Variants in GRIA3 observed in about 807,000 individuals in gnomAD.
GRIA3 encodes glutamate ionotropic receptor AMPA type subunit 3, also known as glutamate receptor 3.
GRIA3 carries 3 observed loss-of-function variants against 63.0 expected under a neutral mutation model. That is an observed-to-expected ratio of 0.05 (90% CI 0.02 to 0.12). The LOEUF is 0.12. Among genes scored for constraint, GRIA3 ranks in the 10% least tolerant of loss-of-function variants. The pLI is 1.00. For missense variants in GRIA3, 347 were observed against 700.9 expected (o/e 0.50, Z 5.70); for synonymous variants, 274 against 257.9 (o/e 1.06, Z -0.60).
At chrX:123,239,072 C>G (rs781717854) in intron 2 of GRIA3, among the ~76,000 whole-genome samples, 4 of 110,996 alleles carry the variant, frequency 3.6e-5, no homozygotes, top group Non-Finnish European at 3.8e-5. Flanking sequence ...ACATACACAT[C>G]TGATCAAAAC....
At chrX:123,431,027 T>TACACACACACACACACACAC (rs3050442) in intron 12 of GRIA3, among the ~76,000 whole-genome samples, 26 of 99,488 alleles carry the variant, frequency 2.6e-4, no homozygotes, top group African/African-American at 9.3e-4. Flanking sequence ...GTAACTCACA[T>TACACACACACACACACACAC]ACACACACAC....
At chrX:123,194,692 AT>A (rs1420257884) in intron 2 of GRIA3, among the ~76,000 whole-genome samples, 1 of 112,093 alleles carries the variant, frequency 8.9e-6, no homozygotes, top group African/African-American at 3.2e-5. Context: ...CAAGATAAGC[AT>A]TTTACCAAGG....
At chrX:123,421,700 G>A (rs1333102064) in intron 11 of GRIA3, among the ~76,000 whole-genome samples, 1 of 111,940 alleles carries the variant, frequency 8.9e-6, no homozygotes, top group Non-Finnish European at 1.9e-5. Flanking sequence ...GGGGCAGAGG[G>A]ACAACAACCA....
At position 123,376,978 on chromosome X, in the gene GRIA3, AGGCTG is replaced by A. The variant is rs368619941; in HGVS notation, c.751-17988_751-17984del. 7.3e-3 allele frequency among the ~76,000 whole-genome samples: 628 copies of A among 85,558 alleles called. 4 individuals carry two copies. The highest frequency in any genetic ancestry group is 0.027 in the African/African-American group (588 of 21,870). The allele number at this position is 85,558 out of a possible 115,157, so 74.3% of individuals were successfully genotyped here. A position where few individuals can be genotyped will look rare whatever the true frequency, so the allele number is the denominator to read the frequency against. The stretch of plus-strand genomic sequence containing the variant: ...GAGGCAGAGTCTTGCTCTGTCGCCC[AGGCTG>A]GAGTGCAATGGCGCTATCTCGGCTC... On this transcript the variant is annotated intron_variant, in intron 5 of 15. Transcript: ENST00000620443.
intron 5 of GRIA3, among the ~76,000 whole-genome samples, chrX:123,378,411 ACTTTTTTTTTTTTTTT>A (rs1213333072): frequency 1.0e-5 from 1 of 96,798 alleles, no homozygotes; most frequent in Non-Finnish European, 2.1e-5. Context: ...AACTTGAGGC[ACTTTTTTTTTTTTTTT>A]TGAGACACAG....
chrX:123,431,027 T>TACACACACACACACATAC (rs2045615295), intron 12 of GRIA3, among the ~76,000 whole-genome samples: 1 of 99,465 alleles, frequency 1.0e-5, no homozygotes, highest in Non-Finnish European at 2.0e-5. Flanking sequence ...GTAACTCACA[T>TACACACACACACACATAC]ACACACACAC....
intron 2 of GRIA3, among the ~76,000 whole-genome samples, chrX:123,190,766 A>G (rs1454353887): frequency 8.9e-6 from 1 of 112,296 alleles, no homozygotes; most frequent in East Asian, 2.8e-4. Flanking sequence ...CTACAGAGGT[A>G]ATTTCCTTAA....
At chrX:123,311,288 C>T (rs184730255) in intron 3 of GRIA3, among the ~76,000 whole-genome samples, 63 of 112,214 alleles carry the variant, frequency 5.6e-4, no homozygotes, top group Non-Finnish European at 1.1e-3. Context: ...TGAGAATGAG[C>T]ATGGCTGTAA....
At chrX:123,251,436 ATTTG>A (rs917801744) in intron 2 of GRIA3, among the ~76,000 whole-genome samples, 3 of 110,552 alleles carry the variant, frequency 2.7e-5, no homozygotes, top group African/African-American at 9.9e-5. Flanking sequence ...TTATTTATTT[ATTTG>A]TTTATTTTTG....
At chrX:123,300,268 C>T (rs2044713472) in intron 3 of GRIA3, among the ~76,000 whole-genome samples, 1 of 108,695 alleles carries the variant, frequency 9.2e-6, no homozygotes, top group African/African-American at 3.4e-5. Flanking sequence ...AGACCCTCCT[C>T]CTCAATTTTT....
intron 5 of GRIA3, chrX:123,358,576 G>C (rs2045148371): frequency 8.9e-6 from 1 of 112,437 alleles, no homozygotes; most frequent in Non-Finnish European, 1.9e-5. Flanking sequence ...ACAACCCAGA[G>C]ATGTGATCTA....
At chrX:123,192,405 C>T (rs758311506) in intron 2 of GRIA3, among the ~76,000 whole-genome samples, 19 of 111,235 alleles carry the variant, frequency 1.7e-4, no homozygotes, top group African/African-American at 4.9e-4. Flanking sequence ...TGGAATGCCA[C>T]GTTTAAGAGG....
rs762906254 is a variant in GRIA3 at position 123,294,869 on chromosome X, A to G, written c.509-31157A>G. ...TTCCTTCTTCCACAAGTGTACTACA[A>G]TTAGTTGCTGTAGCTTTACTGCAGA... is the stretch of plus-strand genomic sequence containing the variant. On this transcript the variant is annotated intron_variant, in intron 3 of 15. Transcript: ENST00000620443. Among the ~76,000 whole-genome samples the G allele has an allele frequency of 1.3e-4, 15 of 112,051 alleles. No individual in the cohort carries two copies. In the East Asian group the frequency reaches 3.6e-3, roughly 27 times the overall value.
At chrX:123,373,063 T>G (rs1308095177) in intron 5 of GRIA3, among the ~76,000 whole-genome samples, 1 of 108,897 alleles carries the variant, frequency 9.2e-6, no homozygotes, top group South Asian at 4.2e-4. Context: ...CCCTGCCCTG[T>G]GTCCAAGTGC....
chrX:123,297,828 T>G (rs1369772307), intron 3 of GRIA3, among the ~76,000 whole-genome samples: 2 of 110,557 alleles, frequency 1.8e-5, no homozygotes, highest in Non-Finnish European at 3.8e-5. Context: ...ACCCAGATAT[T>G]AAGCCTAGTA....
intron 4 of GRIA3, among the ~76,000 whole-genome samples, chrX:123,328,463 G>A (rs2044920264): frequency 8.9e-6 from 1 of 111,849 alleles, no homozygotes; most frequent in Admixed American, 9.5e-5. Flanking sequence ...AAAAGTTTTA[G>A]CAACATCTAG....
intron 3 of GRIA3, among the ~76,000 whole-genome samples, chrX:123,298,196 A>G (rs1405046047): frequency 1.8e-5 from 2 of 111,449 alleles, no homozygotes; most frequent in Non-Finnish European, 3.8e-5. Flanking sequence ...GAACAGTCAC[A>G]TGCATGTGTC....
intron 12 of GRIA3, among the ~76,000 whole-genome samples, chrX:123,459,008 C>T (rs1363822697): frequency 1.8e-5 from 2 of 111,630 alleles, no homozygotes; most frequent in Non-Finnish European, 3.8e-5. Context: ...GTCAGTAAAA[C>T]AAATTATACT....
chrX:123,241,195 A>T (rs989389041), intron 2 of GRIA3, among the ~76,000 whole-genome samples: 1 of 111,844 alleles, frequency 8.9e-6, no homozygotes, highest in Non-Finnish European at 1.9e-5. Flanking sequence ...ACCAAATTGC[A>T]GATGATGCAT....
Sources: allele counts gnomAD v4.1 joint callset (sites outside exome capture counted in the v4.1 genomes callset), GRCh38; gene constraint gnomAD v4.1.1; transcripts MANE v1.5; gene names NCBI Gene and HGNC (gene_info 2026-07-23, HGNC 2026-07-21).